C11orf65: variants seen among roughly 807,000 people sequenced by gnomAD.
C11orf65 encodes the protein protein MFI.
Under a neutral mutation model 35.3 loss-of-function variants are expected in C11orf65, and 38 were observed. That is an observed-to-expected ratio of 1.08 (90% CI 0.83 to 1.41). The LOEUF is 1.41. Ranked by LOEUF, C11orf65 falls within the 40% of genes most tolerant of loss-of-function variation. The pLI is 0.00. For missense variants in C11orf65, 370 were observed against 367.1 expected, an observed-to-expected ratio of 1.01 and a Z score of -0.06; for synonymous variants, 105 against 114.4, an observed-to-expected ratio of 0.92 and a Z score of 0.53.
chr11:108,352,824 T>C (rs1015500513), intron 2 of C11orf65, among the ~76,000 whole-genome samples: 8 of 152,214 alleles, frequency 5.3e-5, no homozygotes, highest in Non-Finnish European at 1.5e-5. Context: ...GGTTACATAC[T>C]GTATGATTAT....
Position 108,325,483 on chromosome 11 carries a change from A to G in C11orf65, c.641-16412T>C, listed in dbSNP as rs1277367898. The G allele has an allele frequency of 6.2e-7, 1 of 1,613,672 alleles. No homozygotes were observed. ...AACTCACAAAGAGAATGTATTAAGG[A>G]CATTCTCACCAAACACCTTGTAGAA... On this transcript the variant is annotated intron_variant, in intron 6 of 6. Transcript: ENST00000525729.
intron 3 of C11orf65, among the ~76,000 whole-genome samples, chr11:108,417,505 C>T (rs2092753296): frequency 6.6e-6 from 1 of 151,862 alleles, no homozygotes; most frequent in East Asian, 1.9e-4. Context: ...ATAGATAGTG[C>T]CACTTCACTC....
intron 3 of C11orf65, among the ~76,000 whole-genome samples, chr11:108,417,568 C>A (rs76859507): frequency 0.049 from 1,406 of 28,946 alleles, 20 homozygotes; most frequent in African/African-American, 0.13. Flanking sequence ...AACAAACAAA[C>A]AAAAAAAAAC....
chr11:108,429,926 A>G (rs1256024712), intron 3 of C11orf65, among the ~76,000 whole-genome samples: 1 of 152,110 alleles, frequency 6.6e-6, no homozygotes, highest in African/African-American at 2.4e-5. Flanking sequence ...CACTCCTATG[A>G]GGTAATTAGT....
chr11:108,402,183 T>G (rs1591473354), intron 6 of C11orf65, among the ~76,000 whole-genome samples: 1 of 152,292 alleles, frequency 6.6e-6, no homozygotes, highest in East Asian at 1.9e-4. Context: ...GAGAATCAGC[T>G]TAAGTGTGTG....
intron 2 of C11orf65, among the ~76,000 whole-genome samples, chr11:108,447,183 G>A (rs1331673775): frequency 1.3e-5 from 2 of 152,026 alleles, no homozygotes; most frequent in African/African-American, 2.4e-5. Context: ...CAATAATAAT[G>A]GGAGACTTTA....
chr11:108,465,495 G>A (rs1396726032), intron 1 of C11orf65, among the ~76,000 whole-genome samples: 1 of 152,144 alleles, frequency 6.6e-6, no homozygotes, highest in African/African-American at 2.4e-5. Flanking sequence ...GGAAAAAAAG[G>A]GAGATTTGGC....
At chr11:108,407,327 T>C (rs1416818520) in intron 3 of C11orf65, among the ~76,000 whole-genome samples, 178 bp from the exon 4 acceptor site, 3 of 152,084 alleles carry the variant, frequency 2.0e-5, no homozygotes, top group Non-Finnish European at 4.4e-5. Context: ...AAAAAATTTT[T>C]TTGAGATGGG....
At chr11:108,316,657 C>G (rs1260349704) in intron 6 of C11orf65, among the ~76,000 whole-genome samples, 1 of 151,646 alleles carries the variant, frequency 6.6e-6, no homozygotes, top group Admixed American at 6.6e-5. Flanking sequence ...CGCCTGTAAT[C>G]CCAGCACTTT....
chr11:108,358,224 G>A (rs1167547079), intron 2 of C11orf65, among the ~76,000 whole-genome samples: 1 of 150,974 alleles, frequency 6.6e-6, no homozygotes, highest in African/African-American at 2.4e-5. Context: ...ATGAAATGAA[G>A]CGAGAAGGGA....
rs754664818 is a variant in C11orf65, at chr11:108,368,894, T to A, written c.226+24314A>T. 2.1e-4 allele frequency: 41 copies of A among 199,710 alleles called. No homozygotes were observed. The highest frequency in any genetic ancestry group is 7.8e-4 in the Admixed American group (13 of 16,602). 12.4% of individuals were successfully genotyped at this position (199,710 alleles called of 1,614,324 possible). Reference sequence around the variant, plus strand: ...CAAATAAAAGCAAAGAGGAAAAACTTTGGACAGCGTAAAGACTAGAATAGT... The same window carrying A: ...CAAATAAAAGCAAAGAGGAAAAACTATGGACAGCGTAAAGACTAGAATAGT... On this transcript the variant is annotated intron_variant, in intron 2 of 3. Coordinates refer to the C11orf65 transcript ENST00000524755.
chr11:108,463,180 T>A (rs2093492430), intron 1 of C11orf65, among the ~76,000 whole-genome samples: 1 of 152,170 alleles, frequency 6.6e-6, no homozygotes, highest in Non-Finnish European at 1.5e-5. Context: ...GCAAAACGTG[T>A]AAGGATTTAC....
intron 2 of C11orf65, among the ~76,000 whole-genome samples, chr11:108,350,867 A>G (rs2089116817): frequency 6.6e-6 from 1 of 152,154 alleles, no homozygotes; most frequent in Non-Finnish European, 1.5e-5. Context: ...ACCCCTTTGG[A>G]ATATTGTTTG....
chr11:108,404,035 A>G (rs1051043839), intron 6 of C11orf65, among the ~76,000 whole-genome samples: 2 of 152,086 alleles, frequency 1.3e-5, no homozygotes, highest in Non-Finnish European at 2.9e-5. Flanking sequence ...AAGTCTGCAC[A>G]TACCTCTTCC....
rs886039630 is a variant in C11orf65, at chr11:108,343,240, CG to C, written c.227-7949del. 1 of 1,613,880 alleles carries C rather than the reference CG, an allele frequency of 6.2e-7. No homozygotes were observed. The highest frequency in any genetic ancestry group is 2.2e-5 in the East Asian group (1 of 44,864). Reference sequence around the variant, plus strand: ...ACTCCAGGTGGTTCCCCTCTCTCAGCGAAGTGGTGTTCTTGAATGGTGCACA... The same window carrying C: ...ACTCCAGGTGGTTCCCCTCTCTCAGCAAGTGGTGTTCTTGAATGGTGCACA... On this transcript the variant is annotated intron_variant, in intron 2 of 3. Transcript: ENST00000524755.
intron 2 of C11orf65, among the ~76,000 whole-genome samples, chr11:108,456,016 A>T (rs2093408228): frequency 6.7e-6 from 1 of 149,440 alleles, no homozygotes; most frequent in South Asian, 2.1e-4. Flanking sequence ...GTATCCAGGC[A>T]TGGTGACCCA....
At chr11:108,405,336 T>C in intron 6 of C11orf65, 93 bp downstream of exon 6, 1 of 1,322,850 alleles carries the variant, frequency 7.6e-7, no homozygotes, top group Non-Finnish European at 1.0e-6. Context: ...CCCCTGCAGC[T>C]AATGCCCTCT....
chr11:108,346,810 C>T (rs1398132258), intron 2 of C11orf65, among the ~76,000 whole-genome samples: 1 of 152,046 alleles, frequency 6.6e-6, no homozygotes, highest in African/African-American at 2.4e-5. Context: ...GGGGGATACA[C>T]ACCTGGTGAA....
intron 5 of C11orf65, among the ~76,000 whole-genome samples, chr11:108,406,162 C>A (rs140005405): frequency 6.6e-6 from 1 of 152,270 alleles, no homozygotes; most frequent in East Asian, 1.9e-4. Context: ...TGACTGTCTC[C>A]CTAATTGAAA....
Sources: allele counts gnomAD v4.1 joint callset (sites outside exome capture counted in the v4.1 genomes callset), GRCh38; gene constraint gnomAD v4.1.1; transcripts MANE v1.5; gene names NCBI Gene and HGNC (gene_info 2026-07-23, HGNC 2026-07-21).